Variants in EIF2AK4 observed in about 807,000 individuals in gnomAD.
EIF2AK4 encodes the protein eIF-2-alpha kinase GCN2.
EIF2AK4 carries 139 observed loss-of-function variants against 211.1 expected under a neutral mutation model. That is an observed-to-expected ratio of 0.66 (90% CI 0.57 to 0.76). EIF2AK4 has a LOEUF of 0.76. Among genes scored for constraint, EIF2AK4 ranks in the 30% least tolerant of loss-of-function variants. The probability of loss-of-function intolerance (pLI) is 0.00; values close to 1 mark genes in which losing one functional copy is unlikely to be tolerated. For synonymous variants in EIF2AK4, 710 were observed against 751.3 expected, an observed-to-expected ratio of 0.94 and a Z score of 0.90; for missense variants, 1,664 against 2,043.8, an observed-to-expected ratio of 0.81 and a Z score of 3.58.
chr15:39,958,956 G>C (rs1446315285), intron 6 of EIF2AK4, among the ~76,000 whole-genome samples: 5 of 151,606 alleles, frequency 3.3e-5, no homozygotes, highest in African/African-American at 2.4e-5. Flanking sequence ...CAAGCTCCTA[G>C]CTGCCTAATT....
intron 32 of EIF2AK4, among the ~76,000 whole-genome samples, chr15:40,023,579 C>G (rs927462881): frequency 2.6e-5 from 4 of 152,070 alleles, no homozygotes; most frequent in Admixed American, 6.6e-5. Context: ...TCAGATATTC[C>G]CCTGTTATTG....
chr15:39,969,126 G>T (rs1004549714), intron 9 of EIF2AK4, among the ~76,000 whole-genome samples: 33 of 151,950 alleles, frequency 2.2e-4, no homozygotes, highest in African/African-American at 7.0e-4. Context: ...TCTTCAAAAT[G>T]TCACCTTTAG....
intron 35 of EIF2AK4, 97 bp downstream of exon 35, chr15:40,030,553 G>A: frequency 7.5e-7 from 1 of 1,328,008 alleles, no homozygotes. Context: ...GGAATTTCTT[G>A]GAAATATTTT....
At chr15:39,953,036 C>T (rs773130087) in intron 4 of EIF2AK4, among the ~76,000 whole-genome samples, 56 of 152,084 alleles carry the variant, frequency 3.7e-4, no homozygotes, top group Admixed American at 1.0e-3. Context: ...TTAGTAGAGA[C>T]GGGCTTTTGC....
At chr15:40,018,703 A>G (rs1414496329) in intron 29 of EIF2AK4, among the ~76,000 whole-genome samples, 1 of 152,216 alleles carries the variant, frequency 6.6e-6, no homozygotes, top group Non-Finnish European at 1.5e-5. Context: ...TTAACTTAGT[A>G]TATCCAAAAT....
At chr15:39,953,810 T>C in intron 4 of EIF2AK4, 94 bp from the exon 5 acceptor site, 1 of 1,224,372 alleles carries the variant, frequency 8.2e-7, no homozygotes, top group Middle Eastern at 2.3e-4. Context: ...GGGTTTGAAT[T>C]ATTGAAAGTT....
At chr15:40,009,843 C>A in intron 26 of EIF2AK4, 113 bp downstream of exon 26, 1 of 741,160 alleles carries the variant, frequency 1.3e-6, no homozygotes, top group Non-Finnish European at 2.3e-6. Flanking sequence ...GAATTGGGAG[C>A]CTTATCTCCT....
chr15:40,027,759 C>T (rs1439604220), intron 33 of EIF2AK4, among the ~76,000 whole-genome samples: 1 of 151,852 alleles, frequency 6.6e-6, no homozygotes, highest in Non-Finnish European at 1.5e-5. Flanking sequence ...GGCATGGTGG[C>T]GGGCACCTGT....
Position 39,978,116 on chromosome 15 carries a change from A to G in EIF2AK4, c.2288A>G (p.Asn763Ser). The change falls in exon 13 of 39, where the codon AAT (asparagine) becomes AGT (serine). Residue 763 changes from asparagine to serine, a missense_variant. Coordinates refer to ENST00000263791, the MANE Select transcript of EIF2AK4 (RefSeq NM_001013703.4). ...SDSESDIIFD[N>S]EDENSKSQNQ... ...TCTGAAAGTGATATTATCTTTGACA[A>G]TGAAGATGAGAACAGTAAAAGTCAG... 1.3e-6 allele frequency: 2 copies of G among 1,594,302 alleles called. No individual in the cohort carries two copies. Among genetic ancestry groups the G allele is most frequent in the Non-Finnish European group, 1.7e-6 (2 of 1,166,750 alleles).
At chr15:39,953,870 G>T in intron 4 of EIF2AK4, 34 bp from the exon 5 acceptor site, 1 of 1,600,266 alleles carries the variant, frequency 6.2e-7, no homozygotes, top group Non-Finnish European at 8.5e-7. Flanking sequence ...GGGTTTCAGA[G>T]ATTGGCATTT....
rs752447237 is a variant in EIF2AK4 at position 39,934,143 on chromosome 15, G to T, written c.-53G>T. On this transcript the variant is annotated 5_prime_UTR_variant, in exon 1 of 39. Coordinates refer to ENST00000263791, the MANE Select transcript of EIF2AK4 (RefSeq NM_001013703.4). ...GCGGAGCCCCGCCCCGCAGGCTGCC[G>T]GGGGCCCACCGCCGCCCAGGCAAGG... 6 of 1,250,628 alleles carry T rather than the reference G, an allele frequency of 4.8e-6. No individual in the cohort carries two copies. The highest frequency in any genetic ancestry group is 6.0e-6 in the Non-Finnish European group (6 of 1,002,366). 77.5% of individuals were successfully genotyped at this position (1,250,628 alleles called of 1,614,324 possible). A position where few individuals can be genotyped will look rare whatever the true frequency, so the allele number is the denominator to read the frequency against.
At chr15:40,006,267 T>G (rs935351665) in intron 23 of EIF2AK4, among the ~76,000 whole-genome samples, 48 of 152,082 alleles carry the variant, frequency 3.2e-4, no homozygotes, top group African/African-American at 1.1e-3. Flanking sequence ...TATTCTGAGG[T>G]AGAGGTAAAT....
chr15:39,968,713 A>G (rs2034578572), intron 9 of EIF2AK4, among the ~76,000 whole-genome samples: 1 of 152,050 alleles, frequency 6.6e-6, no homozygotes, highest in African/African-American at 2.4e-5. Flanking sequence ...TCCATTTGCA[A>G]CATTTCTTTT....
At chr15:39,970,529 T>TA (rs916492548) in intron 9 of EIF2AK4, among the ~76,000 whole-genome samples, 3 of 151,972 alleles carry the variant, frequency 2.0e-5, no homozygotes, top group Non-Finnish European at 2.9e-5. Context: ...TACAGAAGTT[T>TA]AAAAAAAATC....
chr15:40,016,670 C>T lies in EIF2AK4; in HGVS notation c.3928C>T (p.Gln1310Ter). 1 of 1,613,910 alleles carries T rather than the reference C, an allele frequency of 6.2e-7. No individual in the cohort carries two copies. Among genetic ancestry groups the T allele is most frequent in the Non-Finnish European group, 8.5e-7 (1 of 1,179,940 alleles). The change falls in exon 28 of 39, where the codon CAG (glutamine) becomes TAG (stop). Residue 1310 changes from glutamine (Q) to a stop codon, truncating the protein, a stop_gained and splice_region_variant. Coordinates refer to ENST00000263791, the MANE Select transcript of EIF2AK4 (RefSeq NM_001013703.4). LOFTEE classifies it high-confidence loss of function. ...GLLKKLGIKL[Q>*]VLINLGLVYK... ...GTTGAAGAAACTCGGCATCAAGTTACAGGTTTGGCAACAGTTTGATACTGG... is the reference window on the plus strand; with the variant it reads ...GTTGAAGAAACTCGGCATCAAGTTATAGGTTTGGCAACAGTTTGATACTGG...
In EIF2AK4 at chr15:39,967,874, A is replaced by G. The variant is rs1249962092; in HGVS notation, c.1548A>G (p.Leu516=). The G allele has an allele frequency of 3.7e-6, 6 of 1,613,506 alleles. No individual in the cohort carries two copies. The highest frequency in any genetic ancestry group is 1.7e-5 in the Admixed American group (1 of 60,006). Residue 516 remains leucine, a synonymous_variant, in exon 9 of 39, where the codon CTA becomes CTG. Transcript: ENST00000263791. ...SDLPADFQDF[L]KKCVCLDDKE... ...TACCAGCTGACTTTCAAGATTTTCT[A>G]AAGAAGTGAGTATCACTGAGATTCT...
chr15:39,939,466 C>A, intron 1 of EIF2AK4, 39 bp from the exon 2 acceptor site: 1 of 1,477,242 alleles, frequency 6.8e-7, no homozygotes, highest in South Asian at 1.3e-5. Context: ...ATTGGCTCTA[C>A]AGCTTTGAAA....
chr15:40,009,069 T>TGTTTGTTTTG (rs2035201295), intron 25 of EIF2AK4, among the ~76,000 whole-genome samples: 1 of 146,782 alleles, frequency 6.8e-6, no homozygotes. Flanking sequence ...GTCAGAGTTG[T>TGTTTGTTTTG]TTTTGTTTTG....
At position 39,934,440 on chromosome 15, in the gene EIF2AK4, C is replaced by T. The variant is rs140633263; in HGVS notation, c.144+101C>T. On this transcript the variant is annotated intron_variant, in intron 1 of 38. Coordinates refer to ENST00000263791, the MANE Select transcript of EIF2AK4 (RefSeq NM_001013703.4). ...CCAGATTGGGCCGCCGCTTTAGGAT[C>T]CTGCAGTCTTTTCATCCCTTAGGTT... 5,921 of 1,444,992 alleles carry T rather than the reference C, an allele frequency of 4.1e-3. 14 individuals carry two copies. Among genetic ancestry groups the T allele is most frequent in the Admixed American group, 5.4e-3 (202 of 37,640 alleles). 89.5% of individuals were successfully genotyped at this position (1,444,992 alleles called of 1,614,324 possible). A position where few individuals can be genotyped will look rare whatever the true frequency, so the allele number is the denominator to read the frequency against.
Sources: allele counts gnomAD v4.1 joint callset (sites outside exome capture counted in the v4.1 genomes callset), GRCh38; gene constraint gnomAD v4.1.1; transcripts MANE v1.5; gene names NCBI Gene and HGNC (gene_info 2026-07-23, HGNC 2026-07-21).